The following LRIT3 variants were observed in gnomAD, a reference collection of about 807,000 sequenced individuals.
LRIT3 encodes leucine-rich repeat, immunoglobulin-like domain and transmembrane domain-containing protein 3.
In LRIT3, 14 loss-of-function variants were observed where a neutral mutation model predicts 22.6. That is an observed-to-expected ratio of 0.62 (90% CI 0.41 to 0.97). LRIT3 has a LOEUF of 0.97. LRIT3 is among the 50% of genes least tolerant of loss of function. The probability of loss-of-function intolerance (pLI) is 0.00; values close to 1 mark genes in which losing one functional copy is unlikely to be tolerated. For missense variants in LRIT3, 783 were observed against 803.0 expected, an observed-to-expected ratio of 0.98 and a Z score of 0.30; for synonymous variants, 306 against 304.5, an observed-to-expected ratio of 1.01 and a Z score of -0.05.
In LRIT3 at chr4:109,870,497, T is replaced by G. The variant is rs1734806731; in HGVS notation, c.1748T>G (p.Leu583Arg). 6.2e-7 allele frequency: 1 copy of G among 1,613,978 alleles called. No individual in the cohort carries two copies. The highest frequency in any genetic ancestry group is 8.5e-7 in the Non-Finnish European group (1 of 1,179,910). Residue 583 changes from leucine (L) to arginine (R), a missense_variant, in exon 4 of 4, where the codon CTC (leucine) becomes CGC (arginine). Transcript: ENST00000594814. ...RVEGDDSQWSLLLVVTSTACV... is the reference protein window; with the variant it reads ...RVEGDDSQWSRLLVVTSTACV... ...GAAGGAGATGATTCTCAATGGTCTC[T>G]CCTTCTCGTGGTGACCAGTACTGCC...
Position 109,851,584 on chromosome 4 carries a change from A to C in LRIT3, c.197A>C (p.Lys66Thr). ...GACACTGTGAAGCTTCGCATAGAGA[A>C]GACTGTCATCCGCAGAATCTCTGCG... Reference protein sequence around the residue: ...PVDTVKLRIEKTVIRRISAEA... With the variant: ...PVDTVKLRIETTVIRRISAEA... The change falls in exon 2 of 4, where the codon AAG (lysine) becomes ACG (threonine). Residue 66 changes from lysine to threonine, a missense_variant. This residue lies in a region of LRIT3 where 756 missense variants were observed against 753.8 expected (regional missense o/e 1.00). Coordinates refer to ENST00000594814, the MANE Select transcript of LRIT3 (RefSeq NM_198506.5). 1 of 1,551,904 alleles carries C rather than the reference A, an allele frequency of 6.4e-7. No homozygotes were observed. Among genetic ancestry groups the C allele is most frequent in the Non-Finnish European group, 8.7e-7 (1 of 1,147,034 alleles).
At chr4:109,854,907 C>T (rs1190312049) in intron 2 of LRIT3, among the ~76,000 whole-genome samples, 1 of 152,106 alleles carries the variant, frequency 6.6e-6, no homozygotes, top group African/African-American at 2.4e-5. Context: ...AGCGTTGCAT[C>T]CCAGGGATGA....
At position 109,867,849 on chromosome 4, in the gene LRIT3, T is replaced by G. The variant is rs1374461868; in HGVS notation, c.798T>G (p.Ala266=). The G allele has an allele frequency of 6.2e-7, 1 of 1,614,182 alleles. No individual in the cohort carries two copies. Among genetic ancestry groups the G allele is most frequent in the Admixed American group, 1.7e-5 (1 of 60,032 alleles). The part of the protein sequence containing the change: ...VMTSATKIMS[A]LGSNVLLRCD... ...CCTCAGCCACCAAAATCATGTCTGCTCTGGGCAGTAATGTTCTACTGCGGT... is the reference window on the plus strand; with the variant it reads ...CCTCAGCCACCAAAATCATGTCTGCGCTGGGCAGTAATGTTCTACTGCGGT... Residue 266 remains alanine (A), a synonymous_variant, in exon 3 of 4, where the codon GCT becomes GCG. Coordinates refer to ENST00000594814, the MANE Select transcript of LRIT3 (RefSeq NM_198506.5).
chr4:109,862,658 G>T (rs12508179), intron 2 of LRIT3, among the ~76,000 whole-genome samples: 4 of 151,940 alleles, frequency 2.6e-5, no homozygotes, highest in African/African-American at 7.3e-5. Context: ...ATCTTTCCCT[G>T]TGTAAACATT....
intron 2 of LRIT3, chr4:109,865,319 A>T: frequency 6.2e-7 from 1 of 1,602,096 alleles, no homozygotes; most frequent in Non-Finnish European, 8.5e-7. Context: ...TCTCTTTCAT[A>T]TATTTAAATC....
In LRIT3 at chr4:109,851,752, G is replaced by A. The variant is rs1734277023; in HGVS notation, c.365G>A (p.Trp122Ter). The A allele has an allele frequency of 6.4e-7, 1 of 1,551,654 alleles. No individual in the cohort carries two copies. The highest frequency in any genetic ancestry group is 1.4e-5 in the African/African-American group (1 of 73,136). Residue 122 changes from tryptophan (W) to a stop codon, truncating the protein, a stop_gained, in exon 2 of 4, where the codon TGG becomes TAG. Transcript: ENST00000594814. LOFTEE classifies it high-confidence loss of function. ...LDGNSLAAFP[W>*]ASLLDMPLLR... ...GGGAATTCTCTGGCTGCTTTCCCTTGGGCATCTCTGCTGGACATGCCCCTT... is the reference window on the plus strand; with the variant it reads ...GGGAATTCTCTGGCTGCTTTCCCTTAGGCATCTCTGCTGGACATGCCCCTT...
chr4:109,849,681 C>T (rs752968219), intron 1 of LRIT3, among the ~76,000 whole-genome samples: 7 of 152,194 alleles, frequency 4.6e-5, no homozygotes, highest in African/African-American at 9.7e-5. Context: ...GGCACAATCT[C>T]GGCTCACTGC....
Position 109,871,485 on chromosome 4 carries a change from T to C in LRIT3, c.*696T>C, listed in dbSNP as rs1288400442. The C allele has an allele frequency of 1.3e-5, 2 of 152,222 alleles. No individual in the cohort carries two copies. Among genetic ancestry groups the C allele is most frequent in the African/African-American group, 4.8e-5 (2 of 41,462 alleles). The allele number at this position is 152,222 out of a possible 1,614,324, so 9.4% of individuals were successfully genotyped here. On this transcript the variant is annotated 3_prime_UTR_variant, in exon 4 of 4. Coordinates refer to ENST00000594814, the MANE Select transcript of LRIT3 (RefSeq NM_198506.5). ...TTTAAACACATCGACTGACAGATTA[T>C]ATGGATATTTAAAAATAACTTTAAA...
At position 109,870,715 on chromosome 4, in the gene LRIT3, C is replaced by G. The variant is rs1195746556; in HGVS notation, c.1966C>G (p.Leu656Val). ...CAGGGATGACTCAGAGAAATTGCTG[C>G]TTTGTTCTAGGTCAAGTGTGGAATC... ...SHRDDSEKLL[L>V]CSRSSVESQV... The change falls in exon 4 of 4, where the codon CTT becomes GTT. Residue 656 changes from leucine to valine, a missense_variant. Coordinates refer to ENST00000594814, the MANE Select transcript of LRIT3 (RefSeq NM_198506.5). 2 of 1,613,988 alleles carry G rather than the reference C, an allele frequency of 1.2e-6. No individual in the cohort carries two copies. Among genetic ancestry groups the G allele is most frequent in the Admixed American group, 1.7e-5 (1 of 60,000 alleles).
chr4:109,868,088 A>C lies in LRIT3; in HGVS notation c.895+142A>C, dbSNP rs562827770. 11 of 834,756 alleles carry C rather than the reference A, an allele frequency of 1.3e-5. No homozygotes were observed. In the South Asian group the frequency reaches 2.1e-4, roughly 16 times the overall value. 51.7% of individuals were successfully genotyped at this position (834,756 alleles called of 1,614,324 possible). On this transcript the variant is annotated intron_variant, in intron 3 of 3. Coordinates refer to ENST00000594814, the MANE Select transcript of LRIT3 (RefSeq NM_198506.5). ...TGGGTGCAAGGGATTTTAAAGGTAC[A>C]TTTTATTCATTAGTATTCTCCTCAG...
Position 109,862,127 on chromosome 4 carries a change from A to C in LRIT3, c.590-5514A>C, listed in dbSNP as rs571049525. On this transcript the variant is annotated intron_variant, in intron 2 of 3. Coordinates refer to ENST00000594814, the MANE Select transcript of LRIT3 (RefSeq NM_198506.5). ...CTGAGTAGGCATAGTCTTTGCCTTCAAGGGCTTATAGTCCTCAGAATAACT... is the reference window on the plus strand; with the variant it reads ...CTGAGTAGGCATAGTCTTTGCCTTCCAGGGCTTATAGTCCTCAGAATAACT... Among the ~76,000 whole-genome samples the C allele has an allele frequency of 2.5e-3, 378 of 152,354 alleles. 1 individual carries two copies. The highest frequency in any genetic ancestry group is 8.5e-3 in the African/African-American group (353 of 41,582).
intron 2 of LRIT3, among the ~76,000 whole-genome samples, chr4:109,858,149 C>T: frequency 6.6e-6 from 1 of 152,168 alleles, no homozygotes; most frequent in East Asian, 1.9e-4. Context: ...CTATCATTAA[C>T]ATAGACCTCA....
intron 2 of LRIT3, among the ~76,000 whole-genome samples, chr4:109,860,352 T>C (rs1308249392): frequency 6.6e-6 from 1 of 152,160 alleles, no homozygotes; most frequent in Non-Finnish European, 1.5e-5. Flanking sequence ...ATGGTGTTAA[T>C]TTAGTTCAAA....
chr4:109,860,622 T>C (rs1734514025), intron 2 of LRIT3, among the ~76,000 whole-genome samples: 2 of 152,262 alleles, frequency 1.3e-5, no homozygotes, highest in Non-Finnish European at 1.5e-5. Context: ...TGTTAAATTC[T>C]GATAAATGTA....
intron 1 of LRIT3, among the ~76,000 whole-genome samples, chr4:109,850,409 TC>T (rs1270730096): frequency 0.038 from 351 of 9,290 alleles, 27 homozygotes; most frequent in Middle Eastern, 0.053. Flanking sequence ...CTTCCTTCCT[TC>T]CTTCCTTCCT....
chr4:109,863,911 A>C (rs1734608713), intron 2 of LRIT3, among the ~76,000 whole-genome samples: 1 of 152,232 alleles, frequency 6.6e-6, no homozygotes, highest in Non-Finnish European at 1.5e-5. Flanking sequence ...GTTTTGGAGA[A>C]GCACGGTCTT....
At position 109,870,208 on chromosome 4, in the gene LRIT3, A is replaced by C. The variant is rs200069084; in HGVS notation, c.1459A>C (p.Ile487Leu). ...QTMLTETNAA[I>L]ENLRVVSETK... ...AATGCTTACGGAGACAAATGCCGCA[A>C]TAGAAAACCTCAGGGTGGTCAGTGA... The change falls in exon 4 of 4, where the codon ATA becomes CTA. Residue 487 changes from isoleucine to leucine, a missense_variant. This residue lies in a region of LRIT3 where 756 missense variants were observed against 753.8 expected (regional missense o/e 1.00). Transcript: ENST00000594814. The C allele has an allele frequency of 9.3e-6, 15 of 1,614,122 alleles. No individual in the cohort carries two copies. In the East Asian group the frequency reaches 3.3e-4, roughly 36 times the overall value.
intron 2 of LRIT3, chr4:109,865,217 C>G: frequency 6.6e-7 from 1 of 1,512,262 alleles, no homozygotes; most frequent in Non-Finnish European, 9.0e-7. Flanking sequence ...TTGCATCACC[C>G]AGGTCACAGA....
chr4:109,866,079 C>G (rs1162777877), intron 2 of LRIT3, among the ~76,000 whole-genome samples: 1 of 152,064 alleles, frequency 6.6e-6, no homozygotes, highest in African/African-American at 2.4e-5. Context: ...AAAAAGTAAA[C>G]TTTTACCAAT....
Sources: allele counts gnomAD v4.1 joint callset (sites outside exome capture counted in the v4.1 genomes callset), GRCh38; gene constraint gnomAD v4.1.1; regional missense constraint gnomAD v4.1.1; transcripts MANE v1.5; gene names NCBI Gene and HGNC (gene_info 2026-07-23, HGNC 2026-07-21).